SPATA6: variants seen among roughly 807,000 people sequenced by gnomAD.
The protein encoded by SPATA6 is spermatogenesis-associated protein 6.
In SPATA6, 56 loss-of-function variants were observed where a neutral mutation model predicts 65.3. That is an observed-to-expected ratio of 0.86 (90% CI 0.69 to 1.07). The LOEUF is 1.07. SPATA6 is among the 50% of genes least tolerant of loss of function. SPATA6 has a pLI of 0.00. For synonymous variants in SPATA6, 199 were observed against 213.2 expected (o/e 0.93, Z 0.58); for missense variants, 590 against 594.8 (o/e 0.99, Z 0.08).
chr1:48,293,950 ACAT>A (rs1254081797), downstream of SPATA6, among the ~76,000 whole-genome samples: 7 of 152,254 alleles, frequency 4.6e-5, no homozygotes, highest in Admixed American at 4.6e-4. Flanking sequence ...ATCTGAGGAA[ACAT>A]CATATAATTA....
chr1:48,289,777 G>A, the SPATA6 span, among the ~76,000 whole-genome samples: 1 of 152,112 alleles, frequency 6.6e-6, no homozygotes, highest in Non-Finnish European at 1.5e-5. Flanking sequence ...TGAATGAAAT[G>A]AAGTGAGAAG....
At chr1:48,329,762 T>G (rs1041399986) in intron 11 of SPATA6, among the ~76,000 whole-genome samples, 6 of 152,106 alleles carry the variant, frequency 3.9e-5, no homozygotes, top group Non-Finnish European at 7.4e-5. Flanking sequence ...GCACCGCCCA[T>G]CTGAGCTCAG....
chr1:48,377,003 A>G (rs1244401059), intron 9 of SPATA6, among the ~76,000 whole-genome samples: 1 of 151,986 alleles, frequency 6.6e-6, no homozygotes, highest in Non-Finnish European at 1.5e-5. Flanking sequence ...ACTTCTTTTC[A>G]TTTTTCAGGT....
At chr1:48,362,178 CAGG>C (rs996062372) in intron 9 of SPATA6, among the ~76,000 whole-genome samples, 44 of 152,060 alleles carry the variant, frequency 2.9e-4, no homozygotes, top group African/African-American at 9.6e-4. Context: ...CACTTGAGCT[CAGG>C]AGTTCTATGT....
At chr1:48,335,108 C>T (rs572499425) in intron 11 of SPATA6, among the ~76,000 whole-genome samples, 2 of 151,808 alleles carry the variant, frequency 1.3e-5, no homozygotes, top group South Asian at 2.1e-4. Flanking sequence ...ATGACAATTA[C>T]AAAACTGCTC....
chr1:48,347,378 T>C (rs920438845), intron 11 of SPATA6, among the ~76,000 whole-genome samples: 3 of 150,174 alleles, frequency 2.0e-5, no homozygotes, highest in East Asian at 1.9e-4. Flanking sequence ...ACCTAGGCAA[T>C]ACCATTCACT....
intron 11 of SPATA6, among the ~76,000 whole-genome samples, chr1:48,348,854 C>T (rs950573768): frequency 4.6e-5 from 7 of 151,936 alleles, no homozygotes; most frequent in Non-Finnish European, 4.4e-5. Context: ...TCATTCTAGC[C>T]TTCATCCTCC....
At chr1:48,400,744 G>A (rs931546725) in intron 6 of SPATA6, 1 of 1,260,868 alleles carries the variant, frequency 7.9e-7, no homozygotes, top group South Asian at 1.3e-5. Context: ...GTTTCAGCTA[G>A]GGCAATGGTC....
chr1:48,314,156 T>C (rs536958973), intron 11 of SPATA6, among the ~76,000 whole-genome samples: 5 of 152,104 alleles, frequency 3.3e-5, no homozygotes, highest in South Asian at 2.1e-4. Context: ...AACAAGGATA[T>C]CCAGGAATTG....
intron 11 of SPATA6, chr1:48,325,422 T>G: frequency 7.6e-7 from 1 of 1,320,816 alleles, no homozygotes; most frequent in Non-Finnish European, 1.1e-6. Context: ...CCCCAGCTTC[T>G]TCTTGACTGG....
intron 9 of SPATA6, among the ~76,000 whole-genome samples, chr1:48,379,725 A>G (rs531593991): frequency 6.6e-6 from 1 of 152,294 alleles, no homozygotes; most frequent in South Asian, 2.1e-4. Flanking sequence ...GTATTTGCAT[A>G]TATCTTATGC....
intron 1 of SPATA6, among the ~76,000 whole-genome samples, chr1:48,454,177 CT>C (rs1656824824): frequency 6.6e-6 from 1 of 151,810 alleles, no homozygotes; most frequent in African/African-American, 2.4e-5. Context: ...TCTCCAGTAC[CT>C]ACCATATTCT....
chr1:48,363,758 CT>C (rs144324979), intron 9 of SPATA6, among the ~76,000 whole-genome samples: 153 of 119,740 alleles, frequency 1.3e-3, no homozygotes, highest in Non-Finnish European at 2.2e-3. Flanking sequence ...AAGGAAACTT[CT>C]TTTTTTTCAT....
intron 11 of SPATA6, among the ~76,000 whole-genome samples, chr1:48,308,761 C>G (rs1461385869): frequency 6.6e-6 from 1 of 152,164 alleles, no homozygotes; most frequent in Non-Finnish European, 1.5e-5. Context: ...TATCATTACA[C>G]TGCCTTTTGG....
At chr1:48,364,212 T>C (rs1214439055) in intron 9 of SPATA6, among the ~76,000 whole-genome samples, 1 of 152,222 alleles carries the variant, frequency 6.6e-6, no homozygotes, top group Non-Finnish European at 1.5e-5. Flanking sequence ...TGTTGGACAT[T>C]TGGGTTGGTT....
At chr1:48,419,521 T>C (rs1653120373) in intron 3 of SPATA6, among the ~76,000 whole-genome samples, 2 of 152,132 alleles carry the variant, frequency 1.3e-5, no homozygotes, top group Non-Finnish European at 2.9e-5. Flanking sequence ...GCTTACGGGA[T>C]ACATCTAATG....
intron 3 of SPATA6, among the ~76,000 whole-genome samples, chr1:48,429,553 C>T (rs1255736236): frequency 6.6e-6 from 1 of 152,104 alleles, no homozygotes; most frequent in African/African-American, 2.4e-5. Flanking sequence ...ACCACATCAT[C>T]AGAATCAAAT....
intron 11 of SPATA6, among the ~76,000 whole-genome samples, chr1:48,312,132 T>C (rs1251312830): frequency 6.6e-6 from 1 of 152,150 alleles, no homozygotes; most frequent in Non-Finnish European, 1.5e-5. Context: ...AGACTCCACC[T>C]CTGGGGGCAG....
At chr1:48,333,453 C>G (rs991376279) in intron 11 of SPATA6, among the ~76,000 whole-genome samples, 1 of 152,206 alleles carries the variant, frequency 6.6e-6, no homozygotes, top group Admixed American at 6.5e-5. Context: ...AACTTGCAGA[C>G]AGTCTATCAT....
Sources: allele counts gnomAD v4.1 joint callset (sites outside exome capture counted in the v4.1 genomes callset), GRCh38; gene constraint gnomAD v4.1.1; transcripts MANE v1.5; gene names NCBI Gene and HGNC (gene_info 2026-07-23, HGNC 2026-07-21).